SAMD5: variants seen among roughly 807,000 people sequenced by gnomAD.
The protein encoded by SAMD5 is sterile alpha motif domain containing 5, also known as sterile alpha motif domain-containing protein 5.
Under a neutral mutation model 11.3 loss-of-function variants are expected in SAMD5, and 13 were observed. The observed-to-expected ratio is 1.15, with a 90% CI of 0.75 to 1.83. The LOEUF (loss-of-function observed/expected upper bound fraction) is 1.83, where lower values mean the gene tolerates loss of function less well. SAMD5 is among the 40% of genes most tolerant of loss of function. The pLI, the probability that SAMD5 is intolerant of heterozygous loss-of-function variation, is 0.00. For synonymous variants in SAMD5, 129 were observed against 111.3 expected (o/e 1.16, Z -1.00); for missense variants, 255 against 239.1 (o/e 1.07, Z -0.44).
chr6:147,521,738 T>A (rs1266452674), intron 1 of SAMD5, among the ~76,000 whole-genome samples: 1 of 152,118 alleles, frequency 6.6e-6, no homozygotes, highest in Non-Finnish European at 1.5e-5. Flanking sequence ...ATACATAATG[T>A]TATGATTGTG....
the SAMD5 span, among the ~76,000 whole-genome samples, chr6:147,934,414 A>G: frequency 1.0e-3 from 153 of 152,330 alleles, no homozygotes; most frequent in Middle Eastern, 6.8e-3. Flanking sequence ...GAGAGTGGCC[A>G]TAAGCGAAAA....
the SAMD5 span, among the ~76,000 whole-genome samples, chr6:147,866,744 G>T: frequency 6.6e-6 from 1 of 152,072 alleles, no homozygotes; most frequent in Admixed American, 6.5e-5. Context: ...ATAACTAGAG[G>T]TATTTTATAC....
the SAMD5 span, among the ~76,000 whole-genome samples, chr6:147,816,301 A>AAAAAAAAAAAAAAACTATATATAT: frequency 1.5e-5 from 1 of 66,362 alleles, no homozygotes; most frequent in African/African-American, 1.0e-4. Flanking sequence ...AAAAAAAAAA[A>AAAAAAAAAAAAAAACTATATATAT]ATATATATAT....
At chr6:147,913,608 A>T in the SAMD5 span, among the ~76,000 whole-genome samples, 2 of 152,258 alleles carry the variant, frequency 1.3e-5, no homozygotes, top group South Asian at 4.2e-4. Context: ...AGGCAGGAGA[A>T]TCTCTTGAAC....
chr6:147,880,033 T>G, the SAMD5 span, among the ~76,000 whole-genome samples: 1 of 152,224 alleles, frequency 6.6e-6, no homozygotes, highest in Non-Finnish European at 1.5e-5. Flanking sequence ...TGGTCATAAG[T>G]GAATGTTTAT....
chr6:147,764,180 C>T, the SAMD5 span, among the ~76,000 whole-genome samples: 2 of 152,132 alleles, frequency 1.3e-5, no homozygotes, highest in East Asian at 3.9e-4. Flanking sequence ...ATGGGTGAAG[C>T]CACAGATTTC....
At chr6:147,650,813 A>T (rs1263182664) in intron 1 of SAMD5, among the ~76,000 whole-genome samples, 2 of 152,176 alleles carry the variant, frequency 1.3e-5, no homozygotes, top group East Asian at 1.9e-4. Context: ...TTCAGGCTCC[A>T]GTAGGGCATC....
chr6:147,861,601 ATTTGAACCTG>A, the SAMD5 span, among the ~76,000 whole-genome samples: 1 of 152,132 alleles, frequency 6.6e-6, no homozygotes, highest in South Asian at 2.1e-4. Flanking sequence ...TTAGCTCTCA[ATTTGAACCTG>A]ATGCTCAGGG....
At chr6:147,641,303 A>C (rs998487347) in intron 1 of SAMD5, among the ~76,000 whole-genome samples, 1 of 152,156 alleles carries the variant, frequency 6.6e-6, no homozygotes, top group African/African-American at 2.4e-5. Context: ...GCAGCACATG[A>C]TGAAATTTTC....
At chr6:147,709,329 A>G (rs962782020) in intron 1 of SAMD5, among the ~76,000 whole-genome samples, 16 of 152,226 alleles carry the variant, frequency 1.1e-4, no homozygotes, top group Non-Finnish European at 1.3e-4. Flanking sequence ...ACTTTGATGC[A>G]ACATGTTTTG....
At chr6:147,933,062 C>T in the SAMD5 span, among the ~76,000 whole-genome samples, 2 of 152,158 alleles carry the variant, frequency 1.3e-5, no homozygotes, top group Non-Finnish European at 2.9e-5. Context: ...AGAGCAGAGC[C>T]ACTTGACAGC....
At chr6:147,623,285 A>C (rs1347569529) in intron 1 of SAMD5, among the ~76,000 whole-genome samples, 1 of 152,260 alleles carries the variant, frequency 6.6e-6, no homozygotes, top group Non-Finnish European at 1.5e-5. Flanking sequence ...CCATTTAGCT[A>C]TTCTCTTCCA....
the SAMD5 span, among the ~76,000 whole-genome samples, chr6:147,795,080 T>C: frequency 6.6e-6 from 1 of 151,808 alleles, no homozygotes; most frequent in Non-Finnish European, 1.5e-5. Flanking sequence ...TTATTATTAT[T>C]ATACTTTAAG....
chr6:147,803,651 A>C, the SAMD5 span, among the ~76,000 whole-genome samples: 1 of 152,128 alleles, frequency 6.6e-6, no homozygotes, highest in African/African-American at 2.4e-5. Context: ...CAGTGAGTAC[A>C]CTCACCCTCC....
the SAMD5 span, among the ~76,000 whole-genome samples, chr6:147,780,364 C>T: frequency 6.6e-6 from 1 of 152,060 alleles, no homozygotes; most frequent in Non-Finnish European, 1.5e-5. Context: ...CCCGCCACCA[C>T]CCCTGGCTAA....
At chr6:147,689,909 A>T (rs536302771) in intron 1 of SAMD5, among the ~76,000 whole-genome samples, 9 of 152,206 alleles carry the variant, frequency 5.9e-5, no homozygotes, top group Non-Finnish European at 1.3e-4. Flanking sequence ...AAATTAATGT[A>T]TAAAGAGTGC....
intron 1 of SAMD5, among the ~76,000 whole-genome samples, chr6:147,647,271 G>A (rs1292021228): frequency 6.6e-6 from 1 of 152,182 alleles, no homozygotes; most frequent in Non-Finnish European, 1.5e-5. Context: ...TTGAGTGGCT[G>A]AAGGGAGGAA....
chr6:147,830,225 T>C, the SAMD5 span, among the ~76,000 whole-genome samples: 4 of 150,126 alleles, frequency 2.7e-5, no homozygotes, highest in Admixed American at 2.7e-4. Context: ...TCCCTCCCAA[T>C]AAGCTTTTTC....
chr6:147,608,848 C>T (rs548170905), intron 1 of SAMD5, among the ~76,000 whole-genome samples: 2 of 152,162 alleles, frequency 1.3e-5, no homozygotes, highest in Non-Finnish European at 2.9e-5. Context: ...GGGATAGAGA[C>T]CCCATTCTCT....
Sources: allele counts gnomAD v4.1 joint callset (sites outside exome capture counted in the v4.1 genomes callset), GRCh38; gene constraint gnomAD v4.1.1; transcripts MANE v1.5; gene names NCBI Gene and HGNC (gene_info 2026-07-23, HGNC 2026-07-21).